CNKSR2: variants seen among roughly 807,000 people sequenced by gnomAD.
CNKSR2 encodes the protein connector enhancer of kinase suppressor of Ras 2, also known as CNK homolog protein 2.
Under a neutral mutation model 84.4 loss-of-function variants are expected in CNKSR2, and 14 were observed. That is an observed-to-expected ratio of 0.17 (90% CI 0.11 to 0.26). CNKSR2 has a LOEUF of 0.26. CNKSR2 is among the 10% of genes least tolerant of loss of function. CNKSR2 has a pLI of 1.00. For missense variants in CNKSR2, 485 were observed against 771.2 expected, an observed-to-expected ratio of 0.63 and a Z score of 4.40; for synonymous variants, 275 against 277.9, an observed-to-expected ratio of 0.99 and a Z score of 0.10.
In CNKSR2 at chrX:21,625,255, T is replaced by G. The variant is rs751924982; in HGVS notation, c.2692+15638T>G. On this transcript the variant is annotated intron_variant, in intron 20 of 21. Transcript: ENST00000379510. ...AAATGAACATATAATACATGTAACA[T>G]GGCATTTTAAAATGTTAAAACAGTA... Among the ~76,000 whole-genome samples, 6 of 112,627 alleles carry G rather than the reference T, an allele frequency of 5.3e-5. No homozygotes were observed. The South Asian group carries it at 2.2e-3, about 41-fold the overall frequency.
At chrX:21,432,435 T>C (rs906391583) in intron 2 of CNKSR2, among the ~76,000 whole-genome samples, 177 bp from the exon 3 acceptor site, 1 of 111,852 alleles carries the variant, frequency 8.9e-6, no homozygotes, top group African/African-American at 3.2e-5. Context: ...TTTCTTTATA[T>C]GACATCTTCC....
At chrX:21,622,177 C>T (rs1300250013) in intron 20 of CNKSR2, among the ~76,000 whole-genome samples, 1 of 111,102 alleles carries the variant, frequency 9.0e-6, no homozygotes, top group Non-Finnish European at 1.9e-5. Flanking sequence ...TCATTGAAGG[C>T]ATTATAGTTC....
chrX:21,527,901 TTTAGTACAC>T (rs1383582649), intron 10 of CNKSR2, among the ~76,000 whole-genome samples: 1 of 111,231 alleles, frequency 9.0e-6, no homozygotes, highest in Non-Finnish European at 1.9e-5. Context: ...TCCATTATTC[TTTAGTACAC>T]TTAGTGTTTC....
intron 4 of CNKSR2, among the ~76,000 whole-genome samples, chrX:21,446,664 A>C (rs896214223): frequency 4.5e-5 from 5 of 111,651 alleles, no homozygotes; most frequent in Non-Finnish European, 9.5e-5. Flanking sequence ...TTATAAACCA[A>C]AACTATATTG....
intron 20 of CNKSR2, among the ~76,000 whole-genome samples, chrX:21,612,610 A>G (rs1034971680): frequency 3.6e-5 from 4 of 112,435 alleles, no homozygotes; most frequent in African/African-American, 1.3e-4. Flanking sequence ...AGTCTGTCAT[A>G]TGCTTTAAGG....
chrX:21,547,375 C>T (rs749095622), intron 11 of CNKSR2, among the ~76,000 whole-genome samples: 1 of 111,612 alleles, frequency 9.0e-6, no homozygotes, highest in East Asian at 2.8e-4. Context: ...ACAAGAAGAG[C>T]TAACTATCCT....
Position 21,497,782 on chromosome X carries a change from CT to C in CNKSR2, c.682-3del. On this transcript the variant is annotated splice_region_variant and splice_polypyrimidine_tract_variant and intron_variant, in intron 6 of 21. Coordinates refer to ENST00000379510, the MANE Select transcript of CNKSR2 (RefSeq NM_014927.5). Reference sequence around the variant, plus strand: ...CTTTCTTTTCTGATGCTGTCTTTTTCTTAGGGTATGTATATTAAATCTACAT... The same window carrying C: ...CTTTCTTTTCTGATGCTGTCTTTTTCTAGGGTATGTATATTAAATCTACAT... 1.2e-6 allele frequency: 1 copy of C among 847,683 alleles called. No individual in the cohort carries two copies. Among genetic ancestry groups the C allele is most frequent in the Non-Finnish European group, 1.8e-6 (1 of 567,969 alleles). The allele number at this position is 847,683 out of a possible 1,213,427, so 69.9% of individuals were successfully genotyped here. A position where few individuals can be genotyped will look rare whatever the true frequency, so the allele number is the denominator to read the frequency against.
intron 21 of CNKSR2, among the ~76,000 whole-genome samples, chrX:21,649,294 T>C (rs1249366701): frequency 8.9e-6 from 1 of 112,278 alleles, no homozygotes; most frequent in Non-Finnish European, 1.9e-5. Context: ...TTAAATTGTT[T>C]TCTAAAAATG....
At chrX:21,631,675 A>G (rs919476025) in intron 20 of CNKSR2, among the ~76,000 whole-genome samples, 4 of 112,324 alleles carry the variant, frequency 3.6e-5, no homozygotes, top group African/African-American at 9.7e-5. Flanking sequence ...TAACCTGAAA[A>G]GAACTATTAA....
intron 4 of CNKSR2, among the ~76,000 whole-genome samples, chrX:21,464,796 A>G (rs1340636150): frequency 8.9e-6 from 1 of 112,407 alleles, no homozygotes; most frequent in African/African-American, 3.2e-5. Flanking sequence ...GAAATTATAA[A>G]CTGACTGAGT....
intron 5 of CNKSR2, among the ~76,000 whole-genome samples, chrX:21,479,022 G>C (rs1400420843): frequency 9.0e-6 from 1 of 111,576 alleles, no homozygotes; most frequent in Non-Finnish European, 1.9e-5. Flanking sequence ...GGCGTACATT[G>C]TAACCATTAA....
intron 7 of CNKSR2, among the ~76,000 whole-genome samples, chrX:21,498,287 A>G (rs1484497861): frequency 8.9e-6 from 1 of 111,977 alleles, no homozygotes; most frequent in African/African-American, 3.2e-5. Flanking sequence ...TCACAGTGAC[A>G]TTCCTGGACA....
intron 1 of CNKSR2, among the ~76,000 whole-genome samples, chrX:21,417,972 G>T (rs2090444884): frequency 9.0e-6 from 1 of 110,970 alleles, no homozygotes; most frequent in Non-Finnish European, 1.9e-5. Flanking sequence ...TTGTTTTATG[G>T]TCTCTTCCTT....
intron 20 of CNKSR2, among the ~76,000 whole-genome samples, chrX:21,637,579 G>A (rs2092677796): frequency 9.0e-6 from 1 of 110,797 alleles, no homozygotes; most frequent in South Asian, 3.8e-4. Flanking sequence ...CAGTCTTTTT[G>A]AAGTCAACCT....
At chrX:21,474,327 G>A (rs1369341687) in intron 5 of CNKSR2, among the ~76,000 whole-genome samples, 1 of 111,446 alleles carries the variant, frequency 9.0e-6, no homozygotes, top group African/African-American at 3.3e-5. Context: ...GTGTTGATTA[G>A]TTATCCCAAG....
intron 4 of CNKSR2, among the ~76,000 whole-genome samples, chrX:21,458,459 C>T (rs2091020571): frequency 1.8e-5 from 2 of 112,047 alleles, no homozygotes; most frequent in African/African-American, 3.2e-5. Flanking sequence ...AGTAATCAGA[C>T]TGACAATAAG....
chrX:21,543,548 GA>G (rs1320694254), intron 11 of CNKSR2, among the ~76,000 whole-genome samples: 1 of 112,110 alleles, frequency 8.9e-6, no homozygotes, highest in Non-Finnish European at 1.9e-5. Context: ...AAAACTTGGA[GA>G]AATCGTCTAA....
intron 9 of CNKSR2, among the ~76,000 whole-genome samples, chrX:21,520,493 G>C (rs1205034601): frequency 9.2e-6 from 1 of 109,182 alleles, no homozygotes; most frequent in African/African-American, 3.3e-5. Context: ...AAAAAACAAA[G>C]AATTGTGGAT....
chrX:21,607,805 AAAT>A (rs1404792944), intron 19 of CNKSR2, among the ~76,000 whole-genome samples: 1 of 109,589 alleles, frequency 9.1e-6, no homozygotes, highest in Admixed American at 9.8e-5. Context: ...CTGTGTCTCA[AAAT>A]AATAATAATA....
Sources: allele counts gnomAD v4.1 joint callset (sites outside exome capture counted in the v4.1 genomes callset), GRCh38; gene constraint gnomAD v4.1.1; transcripts MANE v1.5; gene names NCBI Gene and HGNC (gene_info 2026-07-23, HGNC 2026-07-21).